DCDC2: variants seen among roughly 807,000 people sequenced by gnomAD.
The protein encoded by DCDC2 is doublecortin domain containing 2, also known as doublecortin domain-containing protein 2.
A neutral mutation model predicts 50.2 loss-of-function variants in DCDC2; 40 were observed. The observed-to-expected ratio is 0.80, with a 90% CI of 0.62 to 1.04. The LOEUF (loss-of-function observed/expected upper bound fraction) is 1.04, where lower values mean the gene tolerates loss of function less well. Among genes scored for constraint, DCDC2 ranks in the 50% least tolerant of loss-of-function variants. The pLI is 0.00. For missense variants in DCDC2, 570 were observed against 581.9 expected (o/e 0.98, Z 0.21); for synonymous variants, 234 against 210.6 (o/e 1.11, Z -0.96).
chr6:24,263,354 G>A (rs1304872078), intron 7 of DCDC2, among the ~76,000 whole-genome samples: 2 of 151,818 alleles, frequency 1.3e-5, no homozygotes, highest in African/African-American at 4.8e-5. Context: ...CCAAAGCATC[G>A]AGACCATCCC....
chr6:24,218,361 T>C (rs1581593006), intron 7 of DCDC2, among the ~76,000 whole-genome samples: 1 of 152,240 alleles, frequency 6.6e-6, no homozygotes, highest in Non-Finnish European at 1.5e-5. Context: ...ACAACAGATA[T>C]TGATTGAGCA....
chr6:24,213,287 C>A (rs1387675600), intron 7 of DCDC2, among the ~76,000 whole-genome samples: 1 of 152,090 alleles, frequency 6.6e-6, no homozygotes, highest in Non-Finnish European at 1.5e-5. Flanking sequence ...TAACTAGAAG[C>A]TCTTTTACTA....
intron 5 of DCDC2, among the ~76,000 whole-genome samples, chr6:24,289,288 T>C (rs780382489): frequency 4.6e-5 from 7 of 152,236 alleles, no homozygotes; most frequent in African/African-American, 1.2e-4. Flanking sequence ...GTTTCTATGA[T>C]GTCTTCTATG....
chr6:24,228,798 T>C (rs1254609503), intron 7 of DCDC2, among the ~76,000 whole-genome samples: 1 of 152,218 alleles, frequency 6.6e-6, no homozygotes, highest in East Asian at 1.9e-4. Context: ...TCTGGTTTTG[T>C]GAGCTCGTGG....
chr6:24,294,363 A>G (rs568332617), intron 4 of DCDC2, among the ~76,000 whole-genome samples: 1 of 152,270 alleles, frequency 6.6e-6, no homozygotes, highest in East Asian at 1.9e-4. Flanking sequence ...TCCAAAAAAA[A>G]AGTTAGAAAG....
chr6:24,382,182 A>G, the DCDC2 span, among the ~76,000 whole-genome samples: 1 of 152,104 alleles, frequency 6.6e-6, no homozygotes, highest in Non-Finnish European at 1.5e-5. Context: ...TGTCACTCTC[A>G]ATGGGAGCAA....
chr6:24,306,028 C>CA (rs904100050), intron 2 of DCDC2, among the ~76,000 whole-genome samples: 23 of 141,748 alleles, frequency 1.6e-4, no homozygotes, highest in South Asian at 4.4e-4. Flanking sequence ...AACTCTGTCT[C>CA]AAAAAAAAAA....
chr6:24,209,016 A>AT (rs1327830986), intron 7 of DCDC2, among the ~76,000 whole-genome samples: 1 of 152,242 alleles, frequency 6.6e-6, no homozygotes, highest in Non-Finnish European at 1.5e-5. Context: ...AAATTAGAAA[A>AT]TTAAAATCAT....
chr6:24,213,233 T>C (rs1291955006), intron 7 of DCDC2, among the ~76,000 whole-genome samples: 2 of 152,184 alleles, frequency 1.3e-5, no homozygotes, highest in African/African-American at 2.4e-5. Flanking sequence ...ACTAATATCA[T>C]AATGTCCAGT....
chr6:24,202,040 G>C (rs1761600799), intron 8 of DCDC2, among the ~76,000 whole-genome samples: 1 of 152,110 alleles, frequency 6.6e-6, no homozygotes, highest in South Asian at 2.1e-4. Flanking sequence ...ATTCACAGCT[G>C]AATTCTACCA....
At chr6:24,272,284 T>C (rs577732071) in intron 7 of DCDC2, among the ~76,000 whole-genome samples, 3 of 152,330 alleles carry the variant, frequency 2.0e-5, no homozygotes, top group South Asian at 4.1e-4. Context: ...CTCGCTGTAC[T>C]AGAAATTTGT....
Position 24,205,055 on chromosome 6 carries a change from C to A in DCDC2, c.970G>T (p.Ala324Ser), listed in dbSNP as rs1416369642. Residue 324 changes from alanine (A) to serine (S), a missense_variant, in exon 8 of 10, where the codon GCA becomes TCA. By Grantham distance (99) the Ala-to-Ser change is moderately conservative. Transcript: ENST00000378454. ...AGAERSETRG[A>S]AEVQEDEDTQ... Reference sequence around the variant, plus strand: ...TCTTCATCTTCTTGGACTTCTGCTGCCCCCCGTGTTTCAGACCTCTCTGCT... The same window carrying A: ...TCTTCATCTTCTTGGACTTCTGCTGACCCCCGTGTTTCAGACCTCTCTGCT... 1 of 1,614,064 alleles carries A rather than the reference C, an allele frequency of 6.2e-7. No homozygotes were observed. The highest frequency in any genetic ancestry group is 1.6e-4 in the Middle Eastern group (1 of 6,062).
intron 7 of DCDC2, among the ~76,000 whole-genome samples, chr6:24,258,269 TGGGGGCG>T (rs1762936125): frequency 6.6e-6 from 1 of 152,126 alleles, no homozygotes; most frequent in Non-Finnish European, 1.5e-5. Flanking sequence ...TGCTGCTGGC[TGGGGGCG>T]GGGGGTGGCC....
chr6:24,339,126 C>T (rs1358696833), intron 2 of DCDC2, among the ~76,000 whole-genome samples: 1 of 152,112 alleles, frequency 6.6e-6, no homozygotes, highest in African/African-American at 2.4e-5. Context: ...GCTCTCTCAT[C>T]TGCAGACATT....
At chr6:24,279,194 G>A (rs1763419629) in intron 6 of DCDC2, among the ~76,000 whole-genome samples, 1 of 152,176 alleles carries the variant, frequency 6.6e-6, no homozygotes, top group African/African-American at 2.4e-5. Context: ...CTGATACTGA[G>A]CCACTGCTAC....
chr6:24,235,556 C>G (rs1429304228), intron 7 of DCDC2, among the ~76,000 whole-genome samples: 1 of 152,128 alleles, frequency 6.6e-6, no homozygotes, highest in Non-Finnish European at 1.5e-5. Flanking sequence ...ACCATATGAT[C>G]ATCTCAATAG....
At chr6:24,369,525 G>T in the DCDC2 span, among the ~76,000 whole-genome samples, 7 of 150,676 alleles carry the variant, frequency 4.6e-5, no homozygotes, top group Non-Finnish European at 1.0e-4. Context: ...CAAGAGAATC[G>T]CTTGAACCTG....
At chr6:24,192,106 G>T (rs1022289850) in intron 8 of DCDC2, among the ~76,000 whole-genome samples, 1 of 151,810 alleles carries the variant, frequency 6.6e-6, no homozygotes, top group Non-Finnish European at 1.5e-5. Context: ...AATATGGGAG[G>T]TTTATTATCT....
chr6:24,328,300 T>C (rs1055397371), intron 2 of DCDC2, among the ~76,000 whole-genome samples: 1 of 152,130 alleles, frequency 6.6e-6, no homozygotes, highest in Non-Finnish European at 1.5e-5. Context: ...GATTATTAGA[T>C]CTCTGAGTAA....
Sources: allele counts gnomAD v4.1 joint callset (sites outside exome capture counted in the v4.1 genomes callset), GRCh38; gene constraint gnomAD v4.1.1; transcripts MANE v1.5; gene names NCBI Gene and HGNC (gene_info 2026-07-23, HGNC 2026-07-21).